Variants in RPS6KA2 observed in about 807,000 individuals in gnomAD.
RPS6KA2 encodes the protein ribosomal protein S6 kinase alpha-2.
A neutral mutation model predicts 91.8 loss-of-function variants in RPS6KA2; 42 were observed. That is an observed-to-expected ratio of 0.46 (90% confidence interval 0.36 to 0.59). The LOEUF is 0.59. Among genes scored for constraint, RPS6KA2 ranks in the 20% least tolerant of loss-of-function variants. The probability of loss-of-function intolerance (pLI) is 0.00; values close to 1 mark genes in which losing one functional copy is unlikely to be tolerated. For synonymous variants in RPS6KA2, 414 were observed against 393.6 expected (o/e 1.05, Z -0.61); for missense variants, 798 against 978.5 (o/e 0.82, Z 2.46).
chr6:166,620,909 G>A (rs1031866497), intron 1 of RPS6KA2, among the ~76,000 whole-genome samples: 3 of 152,192 alleles, frequency 2.0e-5, no homozygotes, highest in Non-Finnish European at 4.4e-5. Context: ...AGGGGCAGCC[G>A]GCAAGGTCAG....
At chr6:166,436,571 C>T (rs759986537) in intron 14 of RPS6KA2, among the ~76,000 whole-genome samples, 14 of 152,308 alleles carry the variant, frequency 9.2e-5, no homozygotes, top group East Asian at 7.7e-4. Context: ...GGCCTCGGCC[C>T]GACACTTCTC....
intron 9 of RPS6KA2, 97 bp from the exon 10 acceptor site, chr6:166,489,018 C>T (rs1260271692): frequency 1.8e-5 from 18 of 1,011,606 alleles, no homozygotes; most frequent in Non-Finnish European, 2.5e-5. Flanking sequence ...CAATCGCAGT[C>T]ACCCAGAGCA....
chr6:166,786,203 A>C (rs1778925587), intron 2 of RPS6KA2, among the ~76,000 whole-genome samples: 1 of 152,246 alleles, frequency 6.6e-6, no homozygotes, highest in African/African-American at 2.4e-5. Context: ...GCTAATCATC[A>C]TGGAGCAGAA....
intron 10 of RPS6KA2, among the ~76,000 whole-genome samples, chr6:166,481,374 A>G (rs953031332): frequency 6.6e-6 from 1 of 152,292 alleles, no homozygotes; most frequent in Non-Finnish European, 1.5e-5. Flanking sequence ...TAAAAAGGAT[A>G]CTGATGTCTG....
At chr6:166,763,431 T>C (rs567504679) in intron 2 of RPS6KA2, among the ~76,000 whole-genome samples, 1 of 152,352 alleles carries the variant, frequency 6.6e-6, no homozygotes, top group East Asian at 1.9e-4. Flanking sequence ...TACAACTTAA[T>C]TGCCTCCATG....
chr6:166,542,734 C>T (rs1005288239), intron 1 of RPS6KA2, among the ~76,000 whole-genome samples: 6 of 152,304 alleles, frequency 3.9e-5, no homozygotes, highest in Admixed American at 2.6e-4. Context: ...AAGATGAGGG[C>T]GGTTGGCCAC....
intron 2 of RPS6KA2, among the ~76,000 whole-genome samples, chr6:166,683,676 G>A (rs1788908119): frequency 6.6e-6 from 1 of 152,196 alleles, no homozygotes; most frequent in South Asian, 2.1e-4. Flanking sequence ...AACTAGGTAG[G>A]CGCAAATATG....
intron 1 of RPS6KA2, among the ~76,000 whole-genome samples, chr6:166,553,503 C>G (rs1246355328): frequency 6.5e-5 from 9 of 139,218 alleles, no homozygotes; most frequent in Non-Finnish European, 9.2e-5. Context: ...GGGAAAGAAA[C>G]AGGAGTCATT....
chr6:166,843,757 A>G (rs1260210530), intron 2 of RPS6KA2, among the ~76,000 whole-genome samples: 1 of 152,196 alleles, frequency 6.6e-6, no homozygotes, highest in Non-Finnish European at 1.5e-5. Flanking sequence ...ATGGAACAAA[A>G]GAATCTGAAA....
At chr6:166,426,194 G>C (rs2128443108) in intron 16 of RPS6KA2, among the ~76,000 whole-genome samples, 1 of 151,992 alleles carries the variant, frequency 6.6e-6, no homozygotes, top group South Asian at 2.1e-4. Flanking sequence ...ACCTGCTCCT[G>C]AATGACTACT....
chr6:166,461,485 C>CGAGGGAGAGAGGTGGAGAGAGA (rs1780289038), intron 11 of RPS6KA2, among the ~76,000 whole-genome samples: 1 of 136,212 alleles, frequency 7.3e-6, no homozygotes, highest in African/African-American at 2.8e-5. Context: ...TGAGAGCAAG[C>CGAGGGAGAGAGGTGGAGAGAGA]GAGGGAGAGA....
chr6:166,674,841 G>A, intron 2 of RPS6KA2, among the ~76,000 whole-genome samples: 1 of 152,100 alleles, frequency 6.6e-6, no homozygotes, highest in East Asian at 1.9e-4. Context: ...GCTAATTTTT[G>A]TATTTTTAGT....
At chr6:166,594,341 T>C (rs1785459876) in intron 1 of RPS6KA2, among the ~76,000 whole-genome samples, 1 of 152,252 alleles carries the variant, frequency 6.6e-6, no homozygotes, top group African/African-American at 2.4e-5. Context: ...TTTTTAAAAA[T>C]TTATTTCCCT....
chr6:166,684,884 G>A (rs144756174), intron 2 of RPS6KA2, among the ~76,000 whole-genome samples: 2 of 152,318 alleles, frequency 1.3e-5, no homozygotes, highest in African/African-American at 4.8e-5. Context: ...TTTATAATAA[G>A]AGAATGTCTT....
chr6:166,457,746 C>T (rs897674165), intron 12 of RPS6KA2, among the ~76,000 whole-genome samples: 1 of 152,208 alleles, frequency 6.6e-6, no homozygotes, highest in Non-Finnish European at 1.5e-5. Context: ...TGCACACGCT[C>T]ACACCCTCCT....
rs181787724 is a variant in RPS6KA2 at position 166,584,713 on chromosome 6, C to T, written c.99+42208G>A. On this transcript the variant is annotated intron_variant, in intron 1 of 20. Transcript: ENST00000265678. ...TAGTAATTTTAACTGAAATTTTTAA[C>T]GGAAACAAAGGAGCTACGCTGTCAT... 3.9e-5 allele frequency among the ~76,000 whole-genome samples: 6 copies of T among 152,270 alleles called. No homozygotes were observed. In the East Asian group the frequency reaches 9.6e-4, roughly 24 times the overall value.
At chr6:166,853,660 C>G (rs13191513) in intron 2 of RPS6KA2, among the ~76,000 whole-genome samples, 21,387 of 152,290 alleles carry the variant, frequency 0.14, 1,759 homozygotes, top group Non-Finnish European at 0.17. Context: ...ACGAGTGTGG[C>G]TGTGAGGTTC....
chr6:166,514,300 A>G (rs1476852186), intron 3 of RPS6KA2, among the ~76,000 whole-genome samples: 1 of 152,208 alleles, frequency 6.6e-6, no homozygotes, highest in Non-Finnish European at 1.5e-5. Flanking sequence ...GTGAGAGCCC[A>G]GTGGGGAGAT....
chr6:166,626,888 G>C lies in RPS6KA2; in HGVS notation c.99+33C>G. 6.2e-6 allele frequency: 9 copies of C among 1,449,466 alleles called. No individual in the cohort carries two copies. Among genetic ancestry groups the C allele is most frequent in the Non-Finnish European group, 8.2e-6 (9 of 1,092,650 alleles). 89.8% of individuals were successfully genotyped at this position (1,449,466 alleles called of 1,614,324 possible). ...GGCGACCACGGCCCGCTCAGTGCCC[G>C]GCACCTGCGCGCCCCGAGGGCGGCC... On this transcript the variant is annotated intron_variant, in intron 1 of 20. Coordinates refer to ENST00000265678, the MANE Select transcript of RPS6KA2 (RefSeq NM_021135.6). This position sits in a 1 kb window ranked among gnomAD's most constrained non-coding sequence, Gnocchi z 4.1.
Sources: gnomAD v4.1 joint callset for allele counts (sites outside exome capture counted in the v4.1 genomes callset) on GRCh38, gnomAD v4.1.1 for gene constraint, Gnocchi (gnomAD v3.1) non-coding constraint, MANE v1.5 for transcripts, NCBI Gene and HGNC (gene_info 2026-07-23, HGNC 2026-07-21) for gene names.